The following USH2A variants were observed in gnomAD, a reference collection of about 807,000 sequenced individuals.
The protein encoded by USH2A is usherin.
USH2A carries 443 observed loss-of-function variants against 538.9 expected under a neutral mutation model. The ratio of observed to expected loss-of-function variants is 0.82; its 90% CI spans 0.76 to 0.89. The LOEUF (loss-of-function observed/expected upper bound fraction) is 0.89, where lower values mean the gene tolerates loss of function less well. Among genes scored for constraint, USH2A ranks in the 40% least tolerant of loss-of-function variants. The pLI, the probability that USH2A is intolerant of heterozygous loss-of-function variation, is 0.00. For synonymous variants in USH2A, 2,413 were observed against 2,273.5 expected, an observed-to-expected ratio of 1.06 and a Z score of -1.75; for missense variants, 6,633 against 6,324.8, an observed-to-expected ratio of 1.05 and a Z score of -1.65.
At chr1:216,078,734 T>C (rs1288662948) in intron 26 of USH2A, among the ~76,000 whole-genome samples, 1 of 152,148 alleles carries the variant, frequency 6.6e-6, no homozygotes, top group Admixed American at 6.6e-5. Context: ...CTTTGAATTT[T>C]TAGAAAATGA....
At chr1:216,297,422 A>G (rs1298107678) in intron 9 of USH2A, among the ~76,000 whole-genome samples, 2 of 152,174 alleles carry the variant, frequency 1.3e-5, no homozygotes, top group Non-Finnish European at 2.9e-5. Context: ...ATAACTTAAT[A>G]GAATGTCTTA....
chr1:215,771,920 T>C (rs1347169337), intron 55 of USH2A, among the ~76,000 whole-genome samples: 1 of 152,160 alleles, frequency 6.6e-6, no homozygotes, highest in African/African-American at 2.4e-5. Flanking sequence ...TAAAACCATA[T>C]TCTATCTTTT....
At chr1:215,986,310 CTT>C (rs34962559) in intron 35 of USH2A, among the ~76,000 whole-genome samples, 5 of 131,420 alleles carry the variant, frequency 3.8e-5, no homozygotes, top group Non-Finnish European at 4.8e-5. Flanking sequence ...TTTTCTTTTT[CTT>C]TTTTTTTTTT....
chr1:215,965,225 T>TAAAAGAAAGATTTTAGCC (rs1027454063), intron 37 of USH2A, 92 bp downstream of exon 37: 9 of 1,416,234 alleles, frequency 6.4e-6, no homozygotes, highest in South Asian at 1.3e-5. Flanking sequence ...CATCTGTGGC[T>TAAAAGAAAGATTTTAGCC]AAAAGAAAGA....
intron 64 of USH2A, among the ~76,000 whole-genome samples, chr1:215,656,568 A>C (rs564177688): frequency 6.6e-6 from 1 of 152,278 alleles, no homozygotes; most frequent in South Asian, 2.1e-4. Context: ...TTAACTCCTA[A>C]TGTAAGTGAT....
intron 61 of USH2A, among the ~76,000 whole-genome samples, chr1:215,705,499 T>C (rs1571973071): frequency 6.6e-6 from 1 of 151,774 alleles, no homozygotes; most frequent in East Asian, 1.9e-4. Flanking sequence ...GATTATAAGA[T>C]TGTTAGATGC....
At chr1:215,894,210 T>C (rs574676170) in intron 40 of USH2A, among the ~76,000 whole-genome samples, 1 of 152,288 alleles carries the variant, frequency 6.6e-6, no homozygotes, top group African/African-American at 2.4e-5. Flanking sequence ...TTCCTCTTTC[T>C]TCATTAAATA....
At chr1:216,199,409 C>T (rs2034929654) in intron 17 of USH2A, among the ~76,000 whole-genome samples, 2 of 152,002 alleles carry the variant, frequency 1.3e-5, no homozygotes, top group African/African-American at 4.8e-5. Context: ...TTTTAAGGGG[C>T]AATTTAATTG....
chr1:215,816,842 T>A (rs777755348), intron 48 of USH2A, among the ~76,000 whole-genome samples, 155 bp downstream of exon 48: 1 of 152,114 alleles, frequency 6.6e-6, no homozygotes, highest in Non-Finnish European at 1.5e-5. Flanking sequence ...AGGGTGATAG[T>A]GATTTTTGTA....
chr1:216,296,690 A>C (rs2037112297), intron 9 of USH2A, among the ~76,000 whole-genome samples: 1 of 152,072 alleles, frequency 6.6e-6, no homozygotes, highest in South Asian at 2.1e-4. Context: ...TTGCAATAAA[A>C]ACCACTTACA....
intron 37 of USH2A, among the ~76,000 whole-genome samples, chr1:215,951,561 C>T (rs1056427992): frequency 2.0e-5 from 3 of 152,198 alleles, no homozygotes; most frequent in East Asian, 1.9e-4. Flanking sequence ...CTGTAGATGT[C>T]TATTAGGTCT....
intron 4 of USH2A, among the ~76,000 whole-genome samples, chr1:216,362,312 C>A (rs2038506814): frequency 6.6e-6 from 1 of 151,682 alleles, no homozygotes; most frequent in Admixed American, 6.6e-5. Context: ...AAATGAAATG[C>A]AAATGATCAA....
intron 61 of USH2A, among the ~76,000 whole-genome samples, chr1:215,713,188 A>T (rs891641953): frequency 2.0e-5 from 3 of 152,152 alleles, no homozygotes; most frequent in African/African-American, 7.2e-5. Context: ...ACACCATGAT[A>T]TCTTCATGTG....
At position 216,078,382 on chromosome 1, in the gene USH2A, A is replaced by G. The variant is rs1400957109; in HGVS notation, c.5299-20T>C. On this transcript the variant is annotated intron_variant, in intron 26 of 71. Transcript: ENST00000307340. ...CTCCATCTGTATTTTATATTAAAAA[A>G]GAAAGTAGGTATATAAAAAGGCTGC... 4 of 1,611,202 alleles carry G rather than the reference A, an allele frequency of 2.5e-6. No homozygotes were observed. Among genetic ancestry groups the G allele is most frequent in the Non-Finnish European group, 3.4e-6 (4 of 1,178,030 alleles).
intron 53 of USH2A, 49 bp from the exon 54 acceptor site, chr1:215,782,245 C>T (rs752706079): frequency 1.4e-5 from 22 of 1,593,814 alleles, no homozygotes; most frequent in African/African-American, 2.7e-5. Context: ...ATCATTTTAA[C>T]TATTTGCAAA....
chr1:216,152,267 C>T (rs574978540), intron 21 of USH2A, among the ~76,000 whole-genome samples: 26 of 152,334 alleles, frequency 1.7e-4, no homozygotes, highest in Middle Eastern at 6.8e-3. Flanking sequence ...CGTATACGCC[C>T]AGATGGCCTG....
At chr1:215,714,174 C>T (rs562795962) in intron 61 of USH2A, among the ~76,000 whole-genome samples, 1 of 152,162 alleles carries the variant, frequency 6.6e-6, no homozygotes, top group African/African-American at 2.4e-5. Context: ...AAATAAGAAG[C>T]ATAACAAAGC....
intron 10 of USH2A, 84 bp downstream of exon 10, chr1:216,292,091 C>A (rs2037011336): frequency 7.0e-7 from 1 of 1,421,166 alleles, no homozygotes; most frequent in Non-Finnish European, 9.9e-7. Context: ...AATAAGATAG[C>A]AATAACATAA....
At chr1:216,140,342 A>G (rs887852145) in intron 21 of USH2A, among the ~76,000 whole-genome samples, 1 of 152,182 alleles carries the variant, frequency 6.6e-6, no homozygotes, top group Non-Finnish European at 1.5e-5. Context: ...AAGATGAATA[A>G]TTTATATAAA....
Sources: allele counts gnomAD v4.1 joint callset (sites outside exome capture counted in the v4.1 genomes callset), GRCh38; gene constraint gnomAD v4.1.1; transcripts MANE v1.5; gene names NCBI Gene and HGNC (gene_info 2026-07-23, HGNC 2026-07-21).